The following DPYSL2 variants were observed in gnomAD, a reference collection of about 807,000 sequenced individuals.
DPYSL2 encodes the protein dihydropyrimidinase-related protein 2.
A neutral mutation model predicts 69.9 loss-of-function variants in DPYSL2; 13 were observed. That is an observed-to-expected ratio of 0.19 (90% CI 0.12 to 0.30). DPYSL2 has a LOEUF of 0.30. Among genes scored for constraint, DPYSL2 ranks in the 10% least tolerant of loss-of-function variants. DPYSL2 has a pLI of 1.00. For missense variants in DPYSL2, 587 were observed against 918.9 expected (o/e 0.64, Z 4.67); for synonymous variants, 326 against 359.1 (o/e 0.91, Z 1.04).
chr8:26,625,245 G>C (rs1585555550), intron 4 of DPYSL2, among the ~76,000 whole-genome samples: 3 of 152,162 alleles, frequency 2.0e-5, no homozygotes, highest in African/African-American at 4.8e-5. Flanking sequence ...CATATATGAG[G>C]GTCTTGGACT....
At position 26,610,380 on chromosome 8, in the gene DPYSL2, G is replaced by A. The variant is rs1802198042; in HGVS notation, c.629-13763G>A. Among the ~76,000 whole-genome samples, 1 of 152,192 alleles carries A rather than the reference G, an allele frequency of 6.6e-6. No homozygotes were observed. Among genetic ancestry groups the A allele is most frequent in the Non-Finnish European group, 1.5e-5 (1 of 68,048 alleles). ...GTATTTGGGGGCTGCCCTGGGATGT[G>A]AAAAGTCTGTTTATGTCTGTTGACA... On this transcript the variant is annotated intron_variant, in intron 3 of 13. Coordinates refer to ENST00000521913, the MANE Select transcript of DPYSL2 (RefSeq NM_001197293.3). This position sits in a 1 kb window ranked among gnomAD's most constrained non-coding sequence, Gnocchi z 4.5.
At chr8:26,543,895 T>C (rs1244349125) in intron 1 of DPYSL2, among the ~76,000 whole-genome samples, 1 of 152,226 alleles carries the variant, frequency 6.6e-6, no homozygotes, top group Admixed American at 6.5e-5. Flanking sequence ...TCCACCTGCC[T>C]TGGCCTTCCA....
chr8:26,626,508 CACACACACACACACGT>C lies in DPYSL2; in HGVS notation c.794-99_794-84del. 2 of 855,524 alleles carry C rather than the reference CACACACACACACACGT, an allele frequency of 2.3e-6. No homozygotes were observed. Among genetic ancestry groups the C allele is most frequent in the South Asian group, 1.6e-5 (1 of 63,976 alleles). 53.0% of individuals were successfully genotyped at this position (855,524 alleles called of 1,614,324 possible). ...ACACACACACACACACACACACACACACACACACACACACGTACACACACAGACAGTATTATCACTT... is the reference window on the plus strand; with the variant it reads ...ACACACACACACACACACACACACACACACACACAGACAGTATTATCACTT... On this transcript the variant is annotated intron_variant, in intron 4 of 13. Coordinates refer to ENST00000521913, the MANE Select transcript of DPYSL2 (RefSeq NM_001197293.3). The surrounding 1 kb of genome is among the most constrained non-coding windows in gnomAD (Gnocchi z 4.3).
chr8:26,646,759 G>C (rs1235488190), intron 10 of DPYSL2, among the ~76,000 whole-genome samples: 2 of 152,014 alleles, frequency 1.3e-5, no homozygotes, highest in Non-Finnish European at 2.9e-5. Context: ...GGGAGAGCGA[G>C]GTGGGAGGGT....
intron 3 of DPYSL2, among the ~76,000 whole-genome samples, chr8:26,618,366 G>A (rs1020116475): frequency 1.3e-5 from 2 of 150,472 alleles, no homozygotes; most frequent in Non-Finnish European, 2.9e-5. Flanking sequence ...AAGCTGAAGT[G>A]CAGTGGTGCA....
chr8:26,655,670 C>T lies in DPYSL2; in HGVS notation c.1998C>T (p.Pro666=). The T allele has an allele frequency of 6.2e-7, 1 of 1,609,304 alleles. No individual in the cohort carries two copies. The highest frequency in any genetic ancestry group is 8.5e-7 in the Non-Finnish European group (1 of 1,179,380). The change falls in exon 14 of 14, where the codon CCC becomes CCT. Residue 666 remains proline, a synonymous_variant. Transcript: ENST00000521913. ...PRRTTQRIVA[P]PGGRANITSL... is the part of the protein sequence containing the mutation. The stretch of plus-strand genomic sequence containing the variant: ...GCACCACCCAGCGTATCGTGGCGCC[C>T]CCCGGTGGCCGTGCCAACATCACCA...
Position 26,647,502 on chromosome 8 carries a change from T to C in DPYSL2, c.1426-128T>C. 1 of 1,000,982 alleles carries C rather than the reference T, an allele frequency of 1.0e-6. No individual in the cohort carries two copies. Among genetic ancestry groups the C allele is most frequent in the Non-Finnish European group, 1.5e-6 (1 of 678,810 alleles). The allele number at this position is 1,000,982 out of a possible 1,614,324, so 62.0% of individuals were successfully genotyped here. On this transcript the variant is annotated intron_variant, in intron 10 of 13. Transcript: ENST00000521913. This position sits in a 1 kb window ranked among gnomAD's most constrained non-coding sequence, Gnocchi z 5.1. ...TGTGACCTTTGAGACGGTTTGTGTT[T>C]CACTTGGCACAACGCTCTTGACATC...
Position 26,653,311 on chromosome 8 carries a change from C to A in DPYSL2, c.1856C>A (p.Thr619Asn). ...GTGTCTGTGACGCCCAAGACAGTCA[C>A]TCCAGCCTCCTCGGCCAAGACGTCT... ...CEVSVTPKTV[T>N]PASSAKTSPA... Residue 619 changes from threonine (T) to asparagine (N), a missense_variant, in exon 13 of 14, where the codon ACT (threonine) becomes AAT (asparagine). Coordinates refer to ENST00000521913, the MANE Select transcript of DPYSL2 (RefSeq NM_001197293.3). The surrounding 1 kb of genome is among the most constrained non-coding windows in gnomAD (Gnocchi z 5.7). The A allele has an allele frequency of 6.2e-7, 1 of 1,614,182 alleles. No homozygotes were observed.
At chr8:26,515,863 G>A (rs1377628541) in intron 1 of DPYSL2, among the ~76,000 whole-genome samples, 1 of 152,232 alleles carries the variant, frequency 6.6e-6, no homozygotes, top group Admixed American at 6.5e-5. Flanking sequence ...GAAAGTGCAA[G>A]AGGTTTCTTC....
chr8:26,607,752 G>A (rs1232611509), intron 3 of DPYSL2, among the ~76,000 whole-genome samples: 3 of 150,636 alleles, frequency 2.0e-5, no homozygotes, highest in East Asian at 2.0e-4. Context: ...ATCCTGCCAC[G>A]AACTTCACAA....
At position 26,597,458 on chromosome 8, in the gene DPYSL2, C is replaced by A. The variant is rs560088023; in HGVS notation, c.628+13475C>A. On this transcript the variant is annotated intron_variant, in intron 3 of 13. Transcript: ENST00000521913. The surrounding 1 kb of genome is among the most constrained non-coding windows in gnomAD (Gnocchi z 5.2). ...ATGTCTGCTTGGGAAACACCACGGG[C>A]AGATGGCATTTTTCTTTTCTTTTCT... Among the ~76,000 whole-genome samples, 1 of 152,238 alleles carries A rather than the reference C, an allele frequency of 6.6e-6. No individual in the cohort carries two copies. The highest frequency in any genetic ancestry group is 1.9e-4 in the East Asian group (1 of 5,176).
At chr8:26,578,570 T>G in intron 1 of DPYSL2, 1 of 1,347,670 alleles carries the variant, frequency 7.4e-7, no homozygotes. Flanking sequence ...TTATTGTCAG[T>G]GAGAGATGCT....
At chr8:26,539,575 T>G (rs1800646801) in intron 1 of DPYSL2, among the ~76,000 whole-genome samples, 1 of 152,236 alleles carries the variant, frequency 6.6e-6, no homozygotes, top group African/African-American at 2.4e-5. Flanking sequence ...AGTCTCACTC[T>G]GTTGCCTAGG....
rs1803123314 is a variant in DPYSL2 at position 26,644,663 on chromosome 8, A to G, written c.1425+572A>G. On this transcript the variant is annotated intron_variant, in intron 10 of 13. Coordinates refer to ENST00000521913, the MANE Select transcript of DPYSL2 (RefSeq NM_001197293.3). This position sits in a 1 kb window ranked among gnomAD's most constrained non-coding sequence, Gnocchi z 4.5. ...AACAGTAAAGACTGAAAACCTACAC[A>G]GCTTTAGATGTGACTCTGGGTCAGT... Among the ~76,000 whole-genome samples, 1 of 152,102 alleles carries G rather than the reference A, an allele frequency of 6.6e-6. No homozygotes were observed. The highest frequency in any genetic ancestry group is 2.4e-5 in the African/African-American group (1 of 41,404).
chr8:26,594,128 C>T (rs150024389), intron 3 of DPYSL2, among the ~76,000 whole-genome samples: 4 of 152,252 alleles, frequency 2.6e-5, no homozygotes, highest in Middle Eastern at 3.4e-3. Context: ...TCTGTCTGAG[C>T]GTGATCATCC....
intron 3 of DPYSL2, among the ~76,000 whole-genome samples, chr8:26,622,505 TA>T (rs1338058045): frequency 0.018 from 1,287 of 70,354 alleles, 12 homozygotes; most frequent in African/African-American, 0.05. Flanking sequence ...TGTATATATA[TA>T]TTTTTTTTTT....
chr8:26,564,494 C>T lies in DPYSL2; in HGVS notation c.355-17475C>T, dbSNP rs527989233. Among the ~76,000 whole-genome samples, 3 of 152,156 alleles carry T rather than the reference C, an allele frequency of 2.0e-5. No homozygotes were observed. Among genetic ancestry groups the T allele is most frequent in the Non-Finnish European group, 4.4e-5 (3 of 68,032 alleles). ...TGGGAATAATCCTTGAATGGGCTGA[C>T]GTCTTCCTGTGAGACCTAGGGAAGG... On this transcript the variant is annotated intron_variant, in intron 1 of 13. Transcript: ENST00000521913. This position sits in a 1 kb window ranked among gnomAD's most constrained non-coding sequence, Gnocchi z 4.8.
chr8:26,530,875 G>A (rs1352809879), intron 1 of DPYSL2, among the ~76,000 whole-genome samples: 1 of 152,082 alleles, frequency 6.6e-6, no homozygotes, highest in Non-Finnish European at 1.5e-5. Context: ...TATATGCTAG[G>A]TCTTGACAGG....
Position 26,598,516 on chromosome 8 carries a change from G to A in DPYSL2, c.628+14533G>A, listed in dbSNP as rs1801917159. Among the ~76,000 whole-genome samples, 1 of 152,182 alleles carries A rather than the reference G, an allele frequency of 6.6e-6. No homozygotes were observed. Among genetic ancestry groups the A allele is most frequent in the South Asian group, 2.1e-4 (1 of 4,832 alleles). On this transcript the variant is annotated intron_variant, in intron 3 of 13. Transcript: ENST00000521913. This position sits in a 1 kb window ranked among gnomAD's most constrained non-coding sequence, Gnocchi z 4.2. ...GCTGTACTTAATGCTTCATGTTTTAGAATGTTAGTGCCAGCAGAAAGCACC... is the reference window on the plus strand; with the variant it reads ...GCTGTACTTAATGCTTCATGTTTTAAAATGTTAGTGCCAGCAGAAAGCACC...
Sources: allele counts gnomAD v4.1 joint callset (sites outside exome capture counted in the v4.1 genomes callset), GRCh38; gene constraint gnomAD v4.1.1; non-coding constraint Gnocchi (gnomAD v3.1); transcripts MANE v1.5; gene names NCBI Gene and HGNC (gene_info 2026-07-23, HGNC 2026-07-21).